OSBPL3: variants seen among roughly 807,000 people sequenced by gnomAD.
OSBPL3 encodes oxysterol binding protein like 3.
Under a neutral mutation model 120.1 loss-of-function variants are expected in OSBPL3, and 65 were observed. That is an observed-to-expected ratio of 0.54 (90% CI 0.44 to 0.67). The LOEUF (loss-of-function observed/expected upper bound fraction) is 0.67, where lower values mean the gene tolerates loss of function less well. Among genes scored for constraint, OSBPL3 ranks in the 30% least tolerant of loss-of-function variants. The pLI is 0.00. For synonymous variants in OSBPL3, 416 were observed against 402.6 expected (o/e 1.03, Z -0.40); for missense variants, 1,004 against 1,082.1 (o/e 0.93, Z 1.01).
chr7:24,940,359 G>A lies in OSBPL3; in HGVS notation c.-150+39527C>T, dbSNP rs557415548. Reference sequence around the variant, plus strand: ...TGAATCCTATAGAAGATCAGGAGGTGTAGAAATTACTGGTACCAATGACAG... The same window carrying A: ...TGAATCCTATAGAAGATCAGGAGGTATAGAAATTACTGGTACCAATGACAG... On this transcript the variant is annotated intron_variant, in intron 1 of 22. Coordinates refer to ENST00000313367, the MANE Select transcript of OSBPL3 (RefSeq NM_015550.4). The surrounding 1 kb of genome is among the most constrained non-coding windows in gnomAD (Gnocchi z 4.4). Among the ~76,000 whole-genome samples the A allele has an allele frequency of 3.9e-5, 6 of 152,318 alleles. No homozygotes were observed. The South Asian group carries it at 1.2e-3, about 32-fold the overall frequency.
rs1352760222 is a variant in OSBPL3, at chr7:24,852,989, G to GA, written c.1028-356dup. Among the ~76,000 whole-genome samples, 1 of 152,160 alleles carries GA rather than the reference G, an allele frequency of 6.6e-6. No homozygotes were observed. Among genetic ancestry groups the GA allele is most frequent in the Admixed American group, 6.5e-5 (1 of 15,274 alleles). On this transcript the variant is annotated intron_variant, in intron 10 of 22. Coordinates refer to ENST00000313367, the MANE Select transcript of OSBPL3 (RefSeq NM_015550.4). This position sits in a 1 kb window ranked among gnomAD's most constrained non-coding sequence, Gnocchi z 4.1. ...TTTTGCTATGGACCTAAAACTGCTA[G>GA]AAAAAATTAAGTCTATTAAAATTAA...
chr7:24,900,279 C>A lies in OSBPL3; in HGVS notation c.-149-7658G>T, dbSNP rs1466886310. 6.6e-6 allele frequency among the ~76,000 whole-genome samples: 1 copy of A among 152,164 alleles called. No homozygotes were observed. On this transcript the variant is annotated intron_variant, in intron 1 of 22. Coordinates refer to ENST00000313367, the MANE Select transcript of OSBPL3 (RefSeq NM_015550.4). This position sits in a 1 kb window ranked among gnomAD's most constrained non-coding sequence, Gnocchi z 4.5. Reference sequence around the variant, plus strand: ...ATTACAACCATGGCATAGAATCTTTCGGCCTTTGGTATACAGCAGGTCCTC... The same window carrying A: ...ATTACAACCATGGCATAGAATCTTTAGGCCTTTGGTATACAGCAGGTCCTC...
intron 1 of OSBPL3, among the ~76,000 whole-genome samples, chr7:24,928,094 C>T (rs112708260): frequency 0.099 from 14,986 of 152,114 alleles, 944 homozygotes; most frequent in African/African-American, 0.18. Context: ...TGTGTCTGCT[C>T]CCCCTTCGCC....
At chr7:24,973,861 G>C (rs1817291617) in intron 1 of OSBPL3, among the ~76,000 whole-genome samples, 1 of 152,098 alleles carries the variant, frequency 6.6e-6, no homozygotes, top group Non-Finnish European at 1.5e-5. Flanking sequence ...AACTTTTTAT[G>C]ATGAAAAATT....
At chr7:24,880,270 C>T (rs753349018) in intron 2 of OSBPL3, among the ~76,000 whole-genome samples, 1 of 152,102 alleles carries the variant, frequency 6.6e-6, no homozygotes, top group Non-Finnish European at 1.5e-5. Flanking sequence ...GAGGCAGAAC[C>T]CATTTGCAGA....
Position 24,919,313 on chromosome 7 carries a change from A to C in OSBPL3, c.-149-26692T>G, listed in dbSNP as rs1352021433. Reference sequence around the variant, plus strand: ...TGTCCTAGCATAAAGACAGACATACAGATCAGTGGAATAAGATTGAGAATG... The same window carrying C: ...TGTCCTAGCATAAAGACAGACATACCGATCAGTGGAATAAGATTGAGAATG... On this transcript the variant is annotated intron_variant, in intron 1 of 22. Transcript: ENST00000313367. Among the ~76,000 whole-genome samples, 4 of 152,190 alleles carry C rather than the reference A, an allele frequency of 2.6e-5. No homozygotes were observed. In the East Asian group the frequency reaches 7.7e-4, roughly 29 times the overall value.
At chr7:24,904,582 T>C (rs1401283427) in intron 1 of OSBPL3, among the ~76,000 whole-genome samples, 1 of 152,194 alleles carries the variant, frequency 6.6e-6, no homozygotes, top group Non-Finnish European at 1.5e-5. Flanking sequence ...ATCAGGAACC[T>C]GAACATCCAT....
rs1346829378 is a variant in OSBPL3, at chr7:24,900,753, A to C, written c.-149-8132T>G. ...GAGGCCAAGGTAGGTGGATCGCTTG[A>C]GCTCACGAGTTCAAGACCAGCCTGG... On this transcript the variant is annotated intron_variant, in intron 1 of 22. Coordinates refer to ENST00000313367, the MANE Select transcript of OSBPL3 (RefSeq NM_015550.4). This position sits in a 1 kb window ranked among gnomAD's most constrained non-coding sequence, Gnocchi z 4.5. 1.3e-5 allele frequency among the ~76,000 whole-genome samples: 2 copies of C among 151,974 alleles called. No individual in the cohort carries two copies. The highest frequency in any genetic ancestry group is 4.8e-5 in the African/African-American group (2 of 41,358).
chr7:24,904,918 G>GGGGTGT (rs376069147), intron 1 of OSBPL3, among the ~76,000 whole-genome samples: 1 of 132,860 alleles, frequency 7.5e-6, no homozygotes, highest in East Asian at 2.3e-4. Flanking sequence ...ATAATATACA[G>GGGGTGT]GTGTGTGTGT....
At chr7:24,971,233 C>T (rs576916522) in intron 1 of OSBPL3, among the ~76,000 whole-genome samples, 29 of 152,376 alleles carry the variant, frequency 1.9e-4, no homozygotes, top group Middle Eastern at 3.4e-3. Flanking sequence ...TACCCCAGTT[C>T]TGCCACTTGC....
chr7:24,956,175 T>TA (rs1815022402), intron 1 of OSBPL3, among the ~76,000 whole-genome samples: 1 of 152,256 alleles, frequency 6.6e-6, no homozygotes, highest in Admixed American at 6.5e-5. Context: ...TAAACCCACT[T>TA]AGCCATGAAA....
In OSBPL3 at chr7:24,852,405, T is replaced by TA. The variant is rs1408658621; in HGVS notation, c.1158+98_1158+99insT. ...GAATATAATTTGGATAATTTGGTTT[T>TA]CTCCTGAATTTTCAACATAATCATG... is the stretch of plus-strand genomic sequence containing the variant. On this transcript the variant is annotated intron_variant, in intron 11 of 22. Coordinates refer to ENST00000313367, the MANE Select transcript of OSBPL3 (RefSeq NM_015550.4). The surrounding 1 kb of genome is among the most constrained non-coding windows in gnomAD (Gnocchi z 4.1). 1.8e-6 allele frequency: 2 copies of TA among 1,134,992 alleles called. No homozygotes were observed. The highest frequency in any genetic ancestry group is 2.4e-6 in the Non-Finnish European group (2 of 843,166). 70.3% of individuals were successfully genotyped at this position (1,134,992 alleles called of 1,614,324 possible). A position where few individuals can be genotyped will look rare whatever the true frequency, so the allele number is the denominator to read the frequency against.
In OSBPL3 at chr7:24,894,113, TC is replaced by T. The variant is rs1313624389; in HGVS notation, c.-149-1493del. Among the ~76,000 whole-genome samples the T allele has an allele frequency of 6.6e-6, 1 of 152,162 alleles. No homozygotes were observed. The highest frequency in any genetic ancestry group is 1.5e-5 in the Non-Finnish European group (1 of 68,024). On this transcript the variant is annotated intron_variant, in intron 1 of 22. Coordinates refer to ENST00000313367, the MANE Select transcript of OSBPL3 (RefSeq NM_015550.4). The surrounding 1 kb of genome is among the most constrained non-coding windows in gnomAD (Gnocchi z 4.1). ...CTATGATATCAAACCTGGCTAATTA[TC>T]ATATACTCTTTCCTACACCTTCATT...
At chr7:24,893,757 C>T (rs906738814) in intron 1 of OSBPL3, among the ~76,000 whole-genome samples, 10 of 47,124 alleles carry the variant, frequency 2.1e-4, no homozygotes, top group South Asian at 9.8e-4. Flanking sequence ...GCGGGGGGGA[C>T]GGGGGGGTGG....
intron 1 of OSBPL3, among the ~76,000 whole-genome samples, chr7:24,934,534 A>G (rs1010947647): frequency 8.5e-5 from 13 of 152,190 alleles, no homozygotes; most frequent in Non-Finnish European, 1.5e-4. Context: ...GGAGTAGCAC[A>G]AAGTACATTA....
intron 16 of OSBPL3, among the ~76,000 whole-genome samples, chr7:24,826,765 T>C (rs1248954903): frequency 6.6e-6 from 1 of 152,188 alleles, no homozygotes; most frequent in East Asian, 1.9e-4. Flanking sequence ...CAAGAAATGC[T>C]TTCTCTGATT....
chr7:24,850,972 G>A (rs1376616684), intron 11 of OSBPL3, among the ~76,000 whole-genome samples: 1 of 152,210 alleles, frequency 6.6e-6, no homozygotes, highest in South Asian at 2.1e-4. Flanking sequence ...GGGTGAGAAT[G>A]AATTCCTTAG....
chr7:24,837,497 C>G (rs1245355394), intron 14 of OSBPL3, among the ~76,000 whole-genome samples: 1 of 152,164 alleles, frequency 6.6e-6, no homozygotes, highest in Non-Finnish European at 1.5e-5. Flanking sequence ...AGCCACTGTG[C>G]CTTGCCTGTA....
At position 24,871,980 on chromosome 7, in the gene OSBPL3, C is replaced by T. The variant is rs371442276; in HGVS notation, c.186G>A (p.Arg62=). Reference sequence around the variant, plus strand: ...TATGCCAGCCTTTTAAGGGCCACTTCCTCTTTTTCAGCAAAAATCCTTTCT... The same window carrying T: ...TATGCCAGCCTTTTAAGGGCCACTTTCTCTTTTTCAGCAAAAATCCTTTCT... The part of the protein sequence containing the change: ...PVQKGFLLKK[R]KWPLKGWHKR... Residue 62 remains arginine, a synonymous_variant, in exon 3 of 23, where the codon AGG becomes AGA. Transcript: ENST00000313367. This position sits in a 1 kb window ranked among gnomAD's most constrained non-coding sequence, Gnocchi z 4.8. The T allele has an allele frequency of 6.2e-7, 1 of 1,613,530 alleles. No homozygotes were observed. The highest frequency in any genetic ancestry group is 1.3e-5 in the African/African-American group (1 of 74,886).
Sources: allele counts gnomAD v4.1 joint callset (sites outside exome capture counted in the v4.1 genomes callset), GRCh38; gene constraint gnomAD v4.1.1; non-coding constraint Gnocchi (gnomAD v3.1); transcripts MANE v1.5; gene names NCBI Gene and HGNC (gene_info 2026-07-23, HGNC 2026-07-21).